Variants in AFG2A observed in about 807,000 individuals in gnomAD.
AFG2A encodes ATPase family gene 2 protein homolog A.
chr4:122,963,554 T>G, the AFG2A span, among the ~76,000 whole-genome samples: 2 of 152,184 alleles, frequency 1.3e-5, no homozygotes, highest in Non-Finnish European at 2.9e-5. Flanking sequence ...AGGAAACTTA[T>G]GTCAGATTAA....
the AFG2A span, among the ~76,000 whole-genome samples, chr4:123,271,033 G>A: frequency 6.6e-6 from 1 of 152,166 alleles, no homozygotes; most frequent in Admixed American, 6.5e-5. Context: ...TATCATATAT[G>A]CCAAATTTTC....
At chr4:122,979,473 C>A in the AFG2A span, 1 of 1,412,664 alleles carries the variant, frequency 7.1e-7, no homozygotes, top group Non-Finnish European at 9.6e-7. Context: ...ACTTCCTAGG[C>A]TAAACTTTAA....
At chr4:123,188,988 T>G in the AFG2A span, among the ~76,000 whole-genome samples, 1 of 152,228 alleles carries the variant, frequency 6.6e-6, no homozygotes, top group Non-Finnish European at 1.5e-5. Flanking sequence ...AACTGGGTGT[T>G]GGGACAGAAA....
the AFG2A span, among the ~76,000 whole-genome samples, chr4:123,042,841 A>G: frequency 6.6e-6 from 1 of 152,156 alleles, no homozygotes; most frequent in Non-Finnish European, 1.5e-5. Flanking sequence ...CTTGTGCTGT[A>G]TTCTGTATTT....
At chr4:123,095,111 C>T in the AFG2A span, among the ~76,000 whole-genome samples, 5 of 144,746 alleles carry the variant, frequency 3.5e-5, no homozygotes, top group Non-Finnish European at 6.0e-5. Context: ...CTTTTATCCA[C>T]ACTTTCCTCA....
the AFG2A span, among the ~76,000 whole-genome samples, chr4:123,001,528 A>T: frequency 6.6e-5 from 10 of 151,066 alleles, no homozygotes; most frequent in Non-Finnish European, 1.5e-4. Flanking sequence ...GGTTTCAAAG[A>T]ACATCTTTAT....
chr4:123,307,895 T>C, the AFG2A span, among the ~76,000 whole-genome samples: 30 of 152,318 alleles, frequency 2.0e-4, no homozygotes, highest in African/African-American at 5.5e-4. Flanking sequence ...ATAGACCCTA[T>C]AGCCTAGTGT....
the AFG2A span, among the ~76,000 whole-genome samples, chr4:123,148,585 G>C: frequency 6.6e-6 from 1 of 152,080 alleles, no homozygotes; most frequent in Admixed American, 6.6e-5. Flanking sequence ...GCTTACTGTT[G>C]TAACTAGAGT....
the AFG2A span, among the ~76,000 whole-genome samples, chr4:123,179,712 C>T: frequency 6.6e-6 from 1 of 152,036 alleles, no homozygotes; most frequent in Non-Finnish European, 1.5e-5. Context: ...TTCATATCAG[C>T]GATAGAACTT....
chr4:122,931,831 G>T, the AFG2A span, among the ~76,000 whole-genome samples: 1 of 152,116 alleles, frequency 6.6e-6, no homozygotes. Context: ...CAAATTTTTT[G>T]CTGCTCTTCC....
the AFG2A span, among the ~76,000 whole-genome samples, chr4:122,976,758 T>C: frequency 6.6e-5 from 10 of 152,226 alleles, no homozygotes; most frequent in African/African-American, 2.4e-4. Context: ...GTTTTCCCAG[T>C]ACCTTAAAAC....
At chr4:122,927,358 T>C in the AFG2A span, among the ~76,000 whole-genome samples, 1 of 152,174 alleles carries the variant, frequency 6.6e-6, no homozygotes, top group Non-Finnish European at 1.5e-5. Flanking sequence ...GTTTACTTCT[T>C]AATGAAATTA....
At chr4:122,995,294 G>C in the AFG2A span, among the ~76,000 whole-genome samples, 1 of 151,976 alleles carries the variant, frequency 6.6e-6, no homozygotes, top group Non-Finnish European at 1.5e-5. Context: ...TCTTGGCAGG[G>C]CTTTTAAATT....
At chr4:123,037,020 A>G in the AFG2A span, among the ~76,000 whole-genome samples, 1 of 152,110 alleles carries the variant, frequency 6.6e-6, no homozygotes, top group African/African-American at 2.4e-5. Flanking sequence ...AGCATATTCC[A>G]TAACATTTAA....
chr4:123,171,664 A>G, the AFG2A span, among the ~76,000 whole-genome samples: 1 of 152,186 alleles, frequency 6.6e-6, no homozygotes, highest in Non-Finnish European at 1.5e-5. Context: ...AGGGTAAGAA[A>G]CATTATGTCT....
At chr4:123,314,284 G>T in the AFG2A span, 348 of 344,568 alleles carry the variant, frequency 1.0e-3, no homozygotes, top group Middle Eastern at 2.3e-3. Flanking sequence ...GGAAATTTGT[G>T]GTGTGGTTTA....
At chr4:123,274,512 A>G in the AFG2A span, among the ~76,000 whole-genome samples, 1 of 151,768 alleles carries the variant, frequency 6.6e-6, no homozygotes. Context: ...CTTGGGTATG[A>G]GTTTTGATAT....
At chr4:123,246,896 G>A in the AFG2A span, among the ~76,000 whole-genome samples, 381 of 152,028 alleles carry the variant, frequency 2.5e-3, 1 homozygote, top group African/African-American at 8.3e-3. Context: ...TTTAAAGCCC[G>A]GCTCATTTGG....
the AFG2A span, among the ~76,000 whole-genome samples, chr4:123,221,543 T>C: frequency 2.6e-5 from 4 of 152,196 alleles, no homozygotes; most frequent in African/African-American, 9.7e-5. Context: ...TAACATTGAT[T>C]TTTAAATGAT....
Sources: gnomAD v4.1 joint callset for allele counts (sites outside exome capture counted in the v4.1 genomes callset) on GRCh38, gnomAD v4.1.1 for gene constraint, MANE v1.5 for transcripts, NCBI Gene and HGNC (gene_info 2026-07-23, HGNC 2026-07-21) for gene names.